The following MED13 variants were observed in gnomAD, a reference collection of about 807,000 sequenced individuals.
The protein encoded by MED13 is mediator complex subunit 13.
In MED13, 23 loss-of-function variants were observed where a neutral mutation model predicts 225.2. The ratio of observed to expected loss-of-function variants is 0.10; its 90% CI spans 0.07 to 0.14. MED13 has a LOEUF of 0.14. Ranked by LOEUF, MED13 falls within the 10% of genes least tolerant of loss-of-function variation. The pLI, the probability that MED13 is intolerant of heterozygous loss-of-function variation, is 1.00. For missense variants in MED13, 2,197 were observed against 2,594.5 expected (o/e 0.85, Z 3.33); for synonymous variants, 942 against 889.2 (o/e 1.06, Z -1.06).
intron 9 of MED13, among the ~76,000 whole-genome samples, chr17:61,996,998 A>G (rs1057348085): frequency 3.3e-5 from 5 of 152,196 alleles, no homozygotes; most frequent in Non-Finnish European, 7.3e-5. Context: ...ACTTTGAAAT[A>G]AACAATTTTT....
intron 17 of MED13, among the ~76,000 whole-genome samples, chr17:61,969,389 CT>C (rs763901215): frequency 6.6e-6 from 1 of 152,038 alleles, no homozygotes; most frequent in East Asian, 1.9e-4. Flanking sequence ...TAAAAATACA[CT>C]GTAGGCCAGG....
intron 16 of MED13, among the ~76,000 whole-genome samples, chr17:61,977,295 A>G (rs1205625600): frequency 1.3e-5 from 2 of 152,208 alleles, no homozygotes; most frequent in African/African-American, 4.8e-5. Flanking sequence ...ATCTGACAAG[A>G]TTTAAAGGAG....
intron 23 of MED13, among the ~76,000 whole-genome samples, chr17:61,958,065 T>C (rs1033775615): frequency 2.6e-5 from 4 of 151,040 alleles, no homozygotes; most frequent in Non-Finnish European, 5.9e-5. Context: ...GGGGTTTCAC[T>C]GTGTTAGCCA....
intron 9 of MED13, chr17:62,006,250 C>A (rs1199184218): frequency 8.4e-6 from 1 of 119,362 alleles, no homozygotes; most frequent in African/African-American, 3.2e-5. Flanking sequence ...ATGGGTGTAG[C>A]CCTGCTCTGC....
Position 61,944,955 on chromosome 17 carries a change from G to A in MED13, c.*1513C>T, listed in dbSNP as rs191683034. 1 of 152,730 alleles carries A rather than the reference G, an allele frequency of 6.5e-6. No individual in the cohort carries two copies. Among genetic ancestry groups the A allele is most frequent in the East Asian group, 1.9e-4 (1 of 5,184 alleles). The allele number at this position is 152,730 out of a possible 1,614,324, so 9.5% of individuals were successfully genotyped here. ...TGTGCAAACAAGAAGGGGGAAAGTT[G>A]TATTGAAGGAGGGGTGAATTAAAGT... is the stretch of plus-strand genomic sequence containing the variant. On this transcript the variant is annotated 3_prime_UTR_variant, in exon 30 of 30. Transcript: ENST00000397786.
intron 28 of MED13, among the ~76,000 whole-genome samples, chr17:61,948,417 A>C (rs1226042057): frequency 6.6e-6 from 1 of 152,200 alleles, no homozygotes; most frequent in Non-Finnish European, 1.5e-5. Context: ...ACATCCCCTG[A>C]AACACTAAGA....
At chr17:61,949,286 C>T (rs1251072171) in intron 28 of MED13, among the ~76,000 whole-genome samples, 2 of 152,094 alleles carry the variant, frequency 1.3e-5, no homozygotes, top group Non-Finnish European at 2.9e-5. Flanking sequence ...AGTGCAGTGG[C>T]ATGATCATGG....
At position 62,016,946 on chromosome 17, in the gene MED13, G is replaced by T. The variant is rs566263347; in HGVS notation, c.1284-5713C>A. 4.6e-5 allele frequency among the ~76,000 whole-genome samples: 7 copies of T among 152,008 alleles called. No individual in the cohort carries two copies. In the South Asian group the frequency reaches 1.5e-3, roughly 32 times the overall value. ...AATCACTTGAACCCAGGAGGTGGAG[G>T]TTGCAAGTGAGCCAAGATCACGTCA... On this transcript the variant is annotated intron_variant, in intron 8 of 29. Transcript: ENST00000397786.
In MED13 at chr17:61,946,343, T is replaced by A; in HGVS notation, c.*125A>T. On this transcript the variant is annotated 3_prime_UTR_variant, in exon 30 of 30. Transcript: ENST00000397786. ...TCCCCCCAAGTCAAAACAATATTTG[T>A]TGAAGTAATAAGAATTAGACCCCAT... The A allele has an allele frequency of 8.8e-7, 1 of 1,137,250 alleles. No homozygotes were observed. The highest frequency in any genetic ancestry group is 1.2e-6 in the Non-Finnish European group (1 of 819,750). The allele number at this position is 1,137,250 out of a possible 1,614,324, so 70.4% of individuals were successfully genotyped here.
rs906224163 is a variant in MED13 at position 62,011,201 on chromosome 17, T to G, written c.1316A>C (p.Gln439Pro). ...HKNLKSRNAG[Q>P]QGQAPSLGQQ... Reference sequence around the variant, plus strand: ...ACCTAAAGATGGTGCCTGTCCTTGTTGTCCAGCATTTCTTGACTTGAGATT... The same window carrying G: ...ACCTAAAGATGGTGCCTGTCCTTGTGGTCCAGCATTTCTTGACTTGAGATT... The change falls in exon 9 of 30, where the codon CAA becomes CCA. Residue 439 changes from glutamine to proline, a missense_variant. By Grantham distance (76) the Gln-to-Pro change is moderately conservative (BLOSUM62 -1). Coordinates refer to ENST00000397786, the MANE Select transcript of MED13 (RefSeq NM_005121.3). 1.9e-6 allele frequency: 3 copies of G among 1,609,198 alleles called. No homozygotes were observed. The highest frequency in any genetic ancestry group is 4.5e-5 in the East Asian group (2 of 44,860).
intron 11 of MED13, among the ~76,000 whole-genome samples, chr17:61,988,693 G>A (rs1423368000): frequency 6.6e-6 from 1 of 151,654 alleles, no homozygotes; most frequent in East Asian, 1.9e-4. Flanking sequence ...TCCTAGCATA[G>A]GTAAGTAGCC....
At chr17:62,026,234 G>C (rs2080700515) in intron 8 of MED13, among the ~76,000 whole-genome samples, 1 of 152,064 alleles carries the variant, frequency 6.6e-6, no homozygotes, top group Admixed American at 6.5e-5. Flanking sequence ...CTTATCAAAA[G>C]GCCTTTATAA....
chr17:61,961,082 C>T lies in MED13; in HGVS notation c.5265G>A (p.Glu1755=). 3.1e-6 allele frequency: 5 copies of T among 1,611,360 alleles called. No individual in the cohort carries two copies. The highest frequency in any genetic ancestry group is 4.2e-6 in the Non-Finnish European group (5 of 1,178,084). The change falls in exon 23 of 30, where the codon GAG becomes GAA. Residue 1755 remains glutamate (E), a synonymous_variant. Transcript: ENST00000397786. The part of the protein sequence containing the change: ...ETALRSPDRP[E]CIRLYAPPFI... ...AAGGAGGTGCATAAAGTCGAATACACTCTGGTCTCTATAAAATAAAAAATT... is the reference window on the plus strand; with the variant it reads ...AAGGAGGTGCATAAAGTCGAATACATTCTGGTCTCTATAAAATAAAAAATT...
Position 61,968,101 on chromosome 17 carries a change from A to G in MED13, c.4125T>C (p.Cys1375=). 3.1e-6 allele frequency: 5 copies of G among 1,614,086 alleles called. No individual in the cohort carries two copies. In the East Asian group the frequency reaches 1.1e-4, roughly 36 times the overall value. ...CATTTAACAAGGCTTCATTTTCTGG[A>G]CACAGTACAACATAGGCTATATCTC... The part of the protein sequence containing the change: ...SQRDIAYVVL[C]PENEALLNGA... Residue 1375 remains cysteine (C), a synonymous_variant, in exon 18 of 30, where the codon TGT becomes TGC. Transcript: ENST00000397786.
intron 1 of MED13, among the ~76,000 whole-genome samples, chr17:62,064,506 T>C (rs1455426412): frequency 6.6e-6 from 1 of 152,150 alleles, no homozygotes; most frequent in Non-Finnish European, 1.5e-5. Context: ...AAAAACATCA[T>C]GTTCTAATAA....
intron 10 of MED13, among the ~76,000 whole-genome samples, chr17:61,994,886 TTTTTATTAGAGACAGG>T (rs2080334316): frequency 6.6e-6 from 1 of 152,074 alleles, no homozygotes; most frequent in African/African-American, 2.4e-5. Context: ...ACTTTTTGTA[TTTTTATTAGAGACAGG>T]GTTTCACCAT....
chr17:62,015,628 C>T (rs568021524), intron 8 of MED13, among the ~76,000 whole-genome samples: 1 of 149,246 alleles, frequency 6.7e-6, no homozygotes, highest in South Asian at 2.1e-4. Flanking sequence ...GGCTGGAGTG[C>T]AGTGGCGTGA....
At chr17:62,052,206 G>A (rs1323451121) in intron 3 of MED13, among the ~76,000 whole-genome samples, 1 of 152,050 alleles carries the variant, frequency 6.6e-6, no homozygotes, top group Non-Finnish European at 1.5e-5. Flanking sequence ...TCAGAGTGCT[G>A]TGCATATATT....
intron 3 of MED13, among the ~76,000 whole-genome samples, chr17:62,042,560 C>CAAA (rs377646442): frequency 0.045 from 2,733 of 60,148 alleles, 188 homozygotes; most frequent in African/African-American, 0.15. Context: ...GGTTTCATCT[C>CAAA]AAAAAAAAAA....
Sources: allele counts gnomAD v4.1 joint callset (sites outside exome capture counted in the v4.1 genomes callset), GRCh38; gene constraint gnomAD v4.1.1; transcripts MANE v1.5; gene names NCBI Gene and HGNC (gene_info 2026-07-23, HGNC 2026-07-21).